CATSPERD: variants seen among roughly 807,000 people sequenced by gnomAD.
CATSPERD encodes the protein catsper channel auxiliary subunit delta, also known as cation channel sperm-associated auxiliary subunit delta.
Under a neutral mutation model 98.1 loss-of-function variants are expected in CATSPERD, and 86 were observed. That is an observed-to-expected ratio of 0.88 (90% CI 0.74 to 1.05). The LOEUF (loss-of-function observed/expected upper bound fraction) is 1.05, where lower values mean the gene tolerates loss of function less well. CATSPERD is among the 50% of genes least tolerant of loss of function. The pLI, the probability that CATSPERD is intolerant of heterozygous loss-of-function variation, is 0.00. For synonymous variants in CATSPERD, 394 were observed against 390.2 expected (o/e 1.01, Z -0.12); for missense variants, 995 against 1,005.7 (o/e 0.99, Z 0.14).
At chr19:5,749,337 C>T (rs2056159552) in intron 11 of CATSPERD, among the ~76,000 whole-genome samples, 154 bp downstream of exon 11, 2 of 151,920 alleles carry the variant, frequency 1.3e-5, no homozygotes, top group African/African-American at 4.8e-5. Flanking sequence ...ACTAAAAATA[C>T]AAAAATTAGC....
chr19:5,757,547 T>C (rs559350811), intron 13 of CATSPERD, among the ~76,000 whole-genome samples: 1 of 151,198 alleles, frequency 6.6e-6, no homozygotes, highest in African/African-American at 2.4e-5. Context: ...TCCACCTGCC[T>C]CGGCCTCCCA....
intron 2 of CATSPERD, among the ~76,000 whole-genome samples, chr19:5,725,852 A>G (rs1166289280): frequency 1.3e-5 from 2 of 151,840 alleles, no homozygotes; most frequent in Admixed American, 6.6e-5. Flanking sequence ...GTGAACCAAG[A>G]TCGTGCCACT....
chr19:5,724,961 C>A, intron 2 of CATSPERD, 99 bp downstream of exon 2: 3 of 999,474 alleles, frequency 3.0e-6, no homozygotes, highest in East Asian at 2.4e-5. Flanking sequence ...TGTTGTCAAG[C>A]ATTTAAGATC....
chr19:5,740,248 T>TC (rs1239770491), intron 7 of CATSPERD, among the ~76,000 whole-genome samples: 4 of 149,958 alleles, frequency 2.7e-5, no homozygotes, highest in Non-Finnish European at 5.9e-5. Context: ...ACCATTGCAC[T>TC]CCAGCCTGGG....
chr19:5,771,104 G>A (rs1436439704), intron 19 of CATSPERD, 32 bp downstream of exon 19: 2 of 1,602,106 alleles, frequency 1.2e-6, no homozygotes, highest in East Asian at 2.2e-5. Flanking sequence ...GCAGGGTGGG[G>A]ACGGTGGCAG....
intron 20 of CATSPERD, among the ~76,000 whole-genome samples, chr19:5,774,004 G>A (rs2056696810): frequency 1.6e-5 from 2 of 125,170 alleles, no homozygotes; most frequent in Non-Finnish European, 3.2e-5. Context: ...GCCTCACTGT[G>A]TCCCCCAGGC....
At chr19:5,722,687 C>T (rs1237408367) in intron 1 of CATSPERD, among the ~76,000 whole-genome samples, 2 of 151,040 alleles carry the variant, frequency 1.3e-5, no homozygotes, top group East Asian at 3.9e-4. Flanking sequence ...CCTACTGAGT[C>T]GGGGACTTGG....
intron 13 of CATSPERD, 58 bp from the exon 14 acceptor site, chr19:5,757,785 G>A: frequency 7.3e-7 from 1 of 1,365,180 alleles, no homozygotes; most frequent in Non-Finnish European, 1.0e-6. Flanking sequence ...GTGGGGGTTT[G>A]TCACCCCGTC....
At chr19:5,732,397 C>G (rs921114307) in intron 4 of CATSPERD, among the ~76,000 whole-genome samples, 4 of 152,048 alleles carry the variant, frequency 2.6e-5, no homozygotes, top group East Asian at 3.9e-4. Context: ...TAAGAACCAA[C>G]CAACTATTGC....
intron 1 of CATSPERD, among the ~76,000 whole-genome samples, chr19:5,723,305 C>T (rs544994976): frequency 1.3e-5 from 2 of 151,596 alleles, no homozygotes; most frequent in South Asian, 2.1e-4. Flanking sequence ...TATTTTTTGA[C>T]GGAGGCTTGC....
chr19:5,771,502 T>C (rs1174343790), intron 19 of CATSPERD, among the ~76,000 whole-genome samples: 1 of 151,428 alleles, frequency 6.6e-6, no homozygotes, highest in Non-Finnish European at 1.5e-5. Context: ...CCTCTCAAAG[T>C]GTTGGAATTA....
At chr19:5,769,050 A>G (rs2145853586) in intron 18 of CATSPERD, among the ~76,000 whole-genome samples, 1 of 151,954 alleles carries the variant, frequency 6.6e-6, no homozygotes, top group African/African-American at 2.4e-5. Flanking sequence ...GCTACTCGGG[A>G]GGCTGAGGCA....
chr19:5,748,039 T>C (rs2056128549), intron 9 of CATSPERD, 121 bp from the exon 10 acceptor site: 1 of 710,854 alleles, frequency 1.4e-6, no homozygotes, highest in Admixed American at 2.3e-5. Flanking sequence ...ATAAGGAACA[T>C]CGAAAGAGCC....
chr19:5,772,282 C>T, intron 19 of CATSPERD: 2 of 219,096 alleles, frequency 9.1e-6, no homozygotes, highest in Non-Finnish European at 1.7e-5. Context: ...GGCTGGAGTG[C>T]AGCGGTGTGA....
chr19:5,742,849 A>AGG (rs924926231), intron 7 of CATSPERD, among the ~76,000 whole-genome samples: 1 of 152,138 alleles, frequency 6.6e-6, no homozygotes, highest in African/African-American at 2.4e-5. Flanking sequence ...AGTCCCTTCC[A>AGG]GGGGCAGATG....
In CATSPERD at chr19:5,731,569, T is replaced by TTTTTTTG. The variant is rs2055721582; in HGVS notation, c.276+1631_276+1632insGTTTTTT. Among the ~76,000 whole-genome samples the TTTTTTTG allele has an allele frequency of 3.5e-5, 4 of 115,292 alleles. 1 individual carries two copies. The highest frequency in any genetic ancestry group is 7.2e-5 in the Non-Finnish European group (4 of 55,342). The allele number at this position is 115,292 out of a possible 152,430, so 75.6% of individuals were successfully genotyped here. On this transcript the variant is annotated intron_variant, in intron 4 of 21. Transcript: ENST00000381624. ...AAAGCGACACTTAACAGTTTTTTTTTTTTTTTTTTTTTTTTTTGAGACGGA... is the reference window on the plus strand; with the variant it reads ...AAAGCGACACTTAACAGTTTTTTTTTTTTTTTGTTTTTTTTTTTTTTTTTGAGACGGA...
In CATSPERD at chr19:5,763,847, CTTTTTTTTT is replaced by C. The variant is rs56352544; in HGVS notation, c.1506+564_1506+572del. ...TGTTGGCCAGGCTGGTCTTGAACTCCTTTTTTTTTTTTTTTTTTGACATGGAGTCTTACT... is the reference window on the plus strand; with the variant it reads ...TGTTGGCCAGGCTGGTCTTGAACTCCTTTTTTTTTGACATGGAGTCTTACT... On this transcript the variant is annotated intron_variant, in intron 16 of 21. Coordinates refer to ENST00000381624, the MANE Select transcript of CATSPERD (RefSeq NM_152784.4). Among the ~76,000 whole-genome samples the C allele has an allele frequency of 1.6e-4, 10 of 62,120 alleles. 1 individual carries two copies. The highest frequency in any genetic ancestry group is 5.2e-4 in the African/African-American group (10 of 19,370). The allele number at this position is 62,120 out of a possible 152,430, so 40.8% of individuals were successfully genotyped here. A position where few individuals can be genotyped will look rare whatever the true frequency, so the allele number is the denominator to read the frequency against.
intron 16 of CATSPERD, among the ~76,000 whole-genome samples, chr19:5,764,461 G>A (rs8108298): frequency 0.24 from 35,672 of 149,852 alleles, 5,217 homozygotes; most frequent in Admixed American, 0.34. Context: ...GACTACAGGC[G>A]CCTGCCACCA....
At chr19:5,768,716 C>A (rs1308768953) in intron 18 of CATSPERD, among the ~76,000 whole-genome samples, 1 of 152,120 alleles carries the variant, frequency 6.6e-6, no homozygotes, top group African/African-American at 2.4e-5. Flanking sequence ...TCACCACAGC[C>A]TCGACCTCCT....
Sources: allele counts gnomAD v4.1 joint callset (sites outside exome capture counted in the v4.1 genomes callset), GRCh38; gene constraint gnomAD v4.1.1; transcripts MANE v1.5; gene names NCBI Gene and HGNC (gene_info 2026-07-23, HGNC 2026-07-21).